The following TTC39B variants were observed in gnomAD, a reference collection of about 807,000 sequenced individuals.
TTC39B encodes the protein tetratricopeptide repeat protein 39B.
A neutral mutation model predicts 96.6 loss-of-function variants in TTC39B; 92 were observed. The ratio of observed to expected loss-of-function variants is 0.95; its 90% confidence interval spans 0.80 to 1.13. The LOEUF is 1.13. Among genes scored for constraint, TTC39B ranks in the 50% most tolerant of loss-of-function variants. The pLI is 0.00. For missense variants in TTC39B, 955 were observed against 809.3 expected (o/e 1.18, Z -2.18); for synonymous variants, 367 against 299.4 (o/e 1.23, Z -2.33).
At chr9:15,220,931 G>A (rs1340308894) in intron 3 of TTC39B, among the ~76,000 whole-genome samples, 2 of 152,180 alleles carry the variant, frequency 1.3e-5, no homozygotes, top group Non-Finnish European at 2.9e-5. Flanking sequence ...GCAAGGTCGA[G>A]CCTGGTTAGT....
In TTC39B at chr9:15,189,563, T is replaced by C. The variant is rs1818733967; in HGVS notation, c.1233+11A>G. The C allele has an allele frequency of 1.2e-6, 2 of 1,613,402 alleles. No individual in the cohort carries two copies. The highest frequency in any genetic ancestry group is 4.5e-5 in the East Asian group (2 of 44,872). ...ACAACTCCCCCAAATAATTCCCACCTAATAAATTACCTCTTCAAGATTCCC... is the reference window on the plus strand; with the variant it reads ...ACAACTCCCCCAAATAATTCCCACCCAATAAATTACCTCTTCAAGATTCCC... On this transcript the variant is annotated intron_variant, in intron 13 of 19. Transcript: ENST00000512701.
chr9:15,216,877 A>C (rs1352289781), intron 3 of TTC39B, among the ~76,000 whole-genome samples: 1 of 152,228 alleles, frequency 6.6e-6, no homozygotes, highest in Non-Finnish European at 1.5e-5. Flanking sequence ...CAAGTAGACC[A>C]AGAACTGACC....
At chr9:15,305,103 A>G (rs964060039) in intron 1 of TTC39B, among the ~76,000 whole-genome samples, 21 of 152,114 alleles carry the variant, frequency 1.4e-4, no homozygotes, top group Admixed American at 1.4e-3. Flanking sequence ...ATTGAAGAGC[A>G]GGGTCTTATG....
chr9:15,172,062 A>G, exon 20 of TTC39B: 1 of 1,612,974 alleles, frequency 6.2e-7, no homozygotes, highest in Non-Finnish European at 8.5e-7. Flanking sequence ...AGCTGCCTGA[A>G]TTCTGAAGTG....
At chr9:15,272,036 C>T (rs776409907) in intron 1 of TTC39B, among the ~76,000 whole-genome samples, 9 of 152,186 alleles carry the variant, frequency 5.9e-5, no homozygotes, top group Admixed American at 1.3e-4. Flanking sequence ...AGAGACTGCT[C>T]ATGCATCTGT....
chr9:15,185,392 A>C lies in TTC39B; in HGVS notation c.1502T>G (p.Leu501Trp), dbSNP rs1354547290. The stretch of plus-strand genomic sequence containing the variant: ...AGATTTCCCGGCAATTCTCTGCTTC[A>C]AGCTGTCCACCTGTCTGTGAAGAAC... Residue 501 changes from leucine (L) to tryptophan (W), a missense_variant, in exon 16 of 20, where the codon TTG (leucine) becomes TGG (tryptophan). Physicochemically the swap from Leu to Trp is moderately conservative, Grantham distance 61. Transcript: ENST00000512701. The C allele has an allele frequency of 3.3e-5, 53 of 1,613,674 alleles. No homozygotes were observed. The Admixed American group carries it at 8.8e-4, about 27-fold the overall frequency.
At chr9:15,291,249 G>A (rs552201591) in intron 1 of TTC39B, among the ~76,000 whole-genome samples, 5 of 152,220 alleles carry the variant, frequency 3.3e-5, no homozygotes, top group Non-Finnish European at 7.3e-5. Context: ...CGCTGTGGGA[G>A]GGACCCAGTG....
intron 1 of TTC39B, among the ~76,000 whole-genome samples, chr9:15,300,343 C>A (rs1404950700): frequency 6.6e-6 from 1 of 152,164 alleles, no homozygotes; most frequent in African/African-American, 2.4e-5. Context: ...CCTCACTGCA[C>A]CACTGACCCT....
rs549150155 is a variant in TTC39B at position 15,167,028 on chromosome 9, A to ATTTTTTT, written c.*4984_*4990dup. The stretch of plus-strand genomic sequence containing the variant: ...TATATATATATATATATATATATAT[A>ATTTTTTT]TTTTTTTTTTTTTTTTTTTTTTTTT... On this transcript the variant is annotated 3_prime_UTR_variant, in exon 20 of 20. Coordinates refer to ENST00000512701, the Ensembl canonical transcript of TTC39B. The ATTTTTTT allele has an allele frequency of 9.1e-4, 10 of 11,034 alleles. 2 individuals carry two copies. The highest frequency in any genetic ancestry group is 1.1e-3 in the Non-Finnish European group (7 of 6,352). 0.7% of individuals were successfully genotyped at this position (11,034 alleles called of 1,614,324 possible).
At chr9:15,214,343 T>A in intron 3 of TTC39B, 94 bp from the exon 4 acceptor site, 1 of 762,244 alleles carries the variant, frequency 1.3e-6, no homozygotes, top group Non-Finnish European at 2.2e-6. Context: ...TGTGTGTGTG[T>A]GTGTCTGTGT....
At chr9:15,215,710 T>G (rs149337894) in intron 3 of TTC39B, among the ~76,000 whole-genome samples, 10 of 146,742 alleles carry the variant, frequency 6.8e-5, no homozygotes, top group African/African-American at 2.5e-4. Context: ...ATACAAAAAT[T>G]AGCTAGGCTG....
chr9:15,178,296 G>C (rs1296838138), intron 17 of TTC39B, among the ~76,000 whole-genome samples: 1 of 152,074 alleles, frequency 6.6e-6, no homozygotes, highest in Non-Finnish European at 1.5e-5. Flanking sequence ...AAAAGAACTG[G>C]GCACAGTGGC....
intron 17 of TTC39B, 49 bp downstream of exon 17, chr9:15,182,258 G>A (rs377347954): frequency 8.2e-7 from 1 of 1,214,962 alleles, no homozygotes; most frequent in Non-Finnish European, 1.2e-6. Context: ...CAGGAGAGCA[G>A]TCATGGAGCA....
chr9:15,262,209 C>T (rs1347971058), intron 2 of TTC39B, among the ~76,000 whole-genome samples: 1 of 152,192 alleles, frequency 6.6e-6, no homozygotes, highest in Non-Finnish European at 1.5e-5. Flanking sequence ...AGTGATTCTC[C>T]TGCCTCAGCC....
intron 1 of TTC39B, among the ~76,000 whole-genome samples, chr9:15,297,786 C>G (rs1214720867): frequency 1.3e-5 from 2 of 152,148 alleles, no homozygotes; most frequent in African/African-American, 4.8e-5. Flanking sequence ...TTGCTCCCCA[C>G]CACTCCTCAC....
chr9:15,241,791 G>A (rs2131471539), intron 2 of TTC39B, among the ~76,000 whole-genome samples: 1 of 142,324 alleles, frequency 7.0e-6, no homozygotes, highest in African/African-American at 2.6e-5. Flanking sequence ...CACCCAGGCT[G>A]GAGTGCAGTA....
intron 2 of TTC39B, among the ~76,000 whole-genome samples, chr9:15,239,633 CA>C (rs1821949463): frequency 6.6e-6 from 1 of 152,152 alleles, no homozygotes; most frequent in Non-Finnish European, 1.5e-5. Context: ...GGCTAGAAGC[CA>C]TTATCCTAGA....
At chr9:15,206,860 A>G (rs760762076) in intron 6 of TTC39B, among the ~76,000 whole-genome samples, 5 of 152,052 alleles carry the variant, frequency 3.3e-5, no homozygotes, top group African/African-American at 4.8e-5. Flanking sequence ...TTGTGTCCTC[A>G]CCCAAATCTC....
intron 7 of TTC39B, among the ~76,000 whole-genome samples, chr9:15,202,913 G>C (rs1819626544): frequency 6.6e-6 from 1 of 152,110 alleles, no homozygotes; most frequent in South Asian, 2.1e-4. Context: ...AAATAGGCAA[G>C]GTACTGACTG....
Sources: gnomAD v4.1 joint callset for allele counts (sites outside exome capture counted in the v4.1 genomes callset) on GRCh38, gnomAD v4.1.1 for gene constraint, MANE v1.5 for transcripts, NCBI Gene and HGNC (gene_info 2026-07-23, HGNC 2026-07-21) for gene names.